The following ROCK1 variants were observed in gnomAD, a reference collection of about 807,000 sequenced individuals.
ROCK1 encodes rho-associated protein kinase 1.
In ROCK1, 36 loss-of-function variants were observed where a neutral mutation model predicts 196.8. That is an observed-to-expected ratio of 0.18 (90% CI 0.14 to 0.24). The LOEUF is 0.24. Ranked by LOEUF, ROCK1 falls within the 10% of genes least tolerant of loss-of-function variation. The pLI is 1.00. For missense variants in ROCK1, 920 were observed against 1,562.0 expected (o/e 0.59, Z 6.93); for synonymous variants, 443 against 515.9 (o/e 0.86, Z 1.91).
At position 20,951,378 on chromosome 18, in the gene ROCK1, A is replaced by AAC. The variant is rs2035185801; in HGVS notation, c.*5_*6insGT. The AAC allele has an allele frequency of 2.5e-6, 4 of 1,599,866 alleles. No individual in the cohort carries two copies. Among genetic ancestry groups the AAC allele is most frequent in the Non-Finnish European group, 3.4e-6 (4 of 1,172,624 alleles). ...ACACGATTCCACAGGGCACTCAGTC[A>AAC]CATGGTTAACTGTTGAGGGAGGGGG... is the stretch of plus-strand genomic sequence containing the variant. On this transcript the variant is annotated 3_prime_UTR_variant, in exon 33 of 33. Transcript: ENST00000399799.
intron 10 of ROCK1, among the ~76,000 whole-genome samples, chr18:21,023,909 C>T (rs927286692): frequency 6.6e-6 from 1 of 152,126 alleles, no homozygotes; most frequent in Non-Finnish European, 1.5e-5. Context: ...AAACATATGA[C>T]TTAATATTCC....
At chr18:21,067,769 C>T (rs1291826988) in intron 2 of ROCK1, among the ~76,000 whole-genome samples, 1 of 152,078 alleles carries the variant, frequency 6.6e-6, no homozygotes, top group Non-Finnish European at 1.5e-5. Flanking sequence ...TCTTTTGTTG[C>T]TTGTGCTTTT....
At chr18:21,100,750 T>C (rs1221039780) in intron 1 of ROCK1, among the ~76,000 whole-genome samples, 1 of 151,978 alleles carries the variant, frequency 6.6e-6, no homozygotes, top group African/African-American at 2.4e-5. Flanking sequence ...AGAATAAGGG[T>C]AGGGGATATA....
In ROCK1 at chr18:21,042,230, T is replaced by C. The variant is rs779402058; in HGVS notation, c.826A>G (p.Thr276Ala). Residue 276 changes from threonine (T) to alanine (A), a missense_variant, in exon 8 of 33, where the codon ACA becomes GCA. Thr to Ala is a moderately conservative substitution (Grantham distance 58, BLOSUM62 0). Around this residue, in one of 6 missense-constraint regions of ROCK1, gnomAD observed 234 missense variants for 460.7 expected, o/e 0.51. Coordinates refer to ENST00000399799, the MANE Select transcript of ROCK1 (RefSeq NM_005406.3). ...ACCAAAGAATCTGCATAAAAAGGTG[T>C]ATCACCTGAAAAATTGATAAAGAAA... is the stretch of plus-strand genomic sequence containing the variant. ...VFLYEMLVGDTPFYADSLVGT... is the reference protein window; with the variant it reads ...VFLYEMLVGDAPFYADSLVGT... 6.4e-7 allele frequency: 1 copy of C among 1,563,590 alleles called. No homozygotes were observed.
intron 17 of ROCK1, among the ~76,000 whole-genome samples, chr18:20,992,048 C>A (rs2035631404): frequency 6.6e-6 from 1 of 152,052 alleles, no homozygotes; most frequent in South Asian, 2.1e-4. Context: ...ACAAAAAAAC[C>A]CCACAAAGTA....
intron 17 of ROCK1, among the ~76,000 whole-genome samples, chr18:20,992,079 A>G (rs1168153379): frequency 6.6e-6 from 1 of 152,236 alleles, no homozygotes; most frequent in Non-Finnish European, 1.5e-5. Context: ...AGTCATTGAT[A>G]TAGAAAGGAA....
At chr18:20,981,417 A>G (rs2035532375) in intron 21 of ROCK1, among the ~76,000 whole-genome samples, 1 of 152,154 alleles carries the variant, frequency 6.6e-6, no homozygotes, top group African/African-American at 2.4e-5. Context: ...AATATCCACA[A>G]ATAAGATTTA....
chr18:21,077,415 G>C (rs2036442559), intron 1 of ROCK1, among the ~76,000 whole-genome samples: 1 of 152,064 alleles, frequency 6.6e-6, no homozygotes. Context: ...AAGGACTAAG[G>C]CAAGAACCTA....
Position 21,045,399 on chromosome 18 carries a change from A to G in ROCK1, c.483T>C (p.Leu161=), listed in dbSNP as rs202131565. ...CATCATAGTTGCTCATTAAGTTTAC[A>G]AGATCTCCACCAGGCATGTATTCCA... The part of the protein sequence containing the change: ...MVMEYMPGGD[L]VNLMSNYDVP... Residue 161 remains leucine (L), a synonymous_variant, in exon 5 of 33, where the codon CTT becomes CTC. Coordinates refer to ENST00000399799, the MANE Select transcript of ROCK1 (RefSeq NM_005406.3). 3.6e-5 allele frequency: 58 copies of G among 1,613,192 alleles called. No homozygotes were observed. Among genetic ancestry groups the G allele is most frequent in the Non-Finnish European group, 4.7e-5 (55 of 1,179,780 alleles).
At chr18:20,961,912 TACCACAGC>T (rs2035331356) in intron 27 of ROCK1, among the ~76,000 whole-genome samples, 2 of 151,208 alleles carry the variant, frequency 1.3e-5, no homozygotes, top group Admixed American at 1.3e-4. Context: ...CAGTGGCATG[TACCACAGC>T]ACCTGGCTTT....
At chr18:20,982,557 A>C (rs1394487040) in intron 21 of ROCK1, among the ~76,000 whole-genome samples, 1 of 152,146 alleles carries the variant, frequency 6.6e-6, no homozygotes, top group Admixed American at 6.6e-5. Context: ...TGGCCTGAAA[A>C]GTTTTTACAA....
chr18:20,951,395 G>C lies in ROCK1; in HGVS notation c.4062-8C>G. The C allele has an allele frequency of 1.3e-6, 2 of 1,591,612 alleles. No individual in the cohort carries two copies. The highest frequency in any genetic ancestry group is 1.7e-4 in the Middle Eastern group (1 of 5,920). On this transcript the variant is annotated splice_polypyrimidine_tract_variant and splice_region_variant and intron_variant, in intron 32 of 32. Transcript: ENST00000399799. The stretch of plus-strand genomic sequence containing the variant: ...ACTCAGTCACATGGTTAACTGTTGA[G>C]GGAGGGGGAAAAAACTAATTTAAGA...
Position 20,951,193 on chromosome 18 carries a change from C to G in ROCK1, c.*191G>C. 2.2e-6 allele frequency: 1 copy of G among 458,632 alleles called. No individual in the cohort carries two copies. The highest frequency in any genetic ancestry group is 4.0e-6 in the Non-Finnish European group (1 of 250,412). 28.4% of individuals were successfully genotyped at this position (458,632 alleles called of 1,614,324 possible). On this transcript the variant is annotated 3_prime_UTR_variant, in exon 33 of 33. Coordinates refer to ENST00000399799, the MANE Select transcript of ROCK1 (RefSeq NM_005406.3). ...CATAGTAATAATTAATCTAATCTAC[C>G]TGTAGGCAAACCCGCAATAAAAAAA...
At chr18:20,964,091 A>T (rs2035351296) in intron 27 of ROCK1, among the ~76,000 whole-genome samples, 1 of 151,944 alleles carries the variant, frequency 6.6e-6, no homozygotes, top group African/African-American at 2.4e-5. Context: ...TATAAGAGAA[A>T]TAATAAAAGT....
chr18:21,008,063 A>G lies in ROCK1; in HGVS notation c.1542T>C (p.Asn514=). ...QENEKRRNVE[N]EVSTLKDQLE... ...TCAAAAGTAGTGACAATTTACCTTC[A>G]TTTTCTACATTTCTTCTCTTCTCAT... is the stretch of plus-strand genomic sequence containing the variant. Residue 514 remains asparagine, a synonymous_variant, in exon 14 of 33, where the codon AAT becomes AAC. Coordinates refer to ENST00000399799, the MANE Select transcript of ROCK1 (RefSeq NM_005406.3). 3 of 1,589,222 alleles carry G rather than the reference A, an allele frequency of 1.9e-6. No individual in the cohort carries two copies. Among genetic ancestry groups the G allele is most frequent in the South Asian group, 2.3e-5 (2 of 86,812 alleles).
chr18:21,086,636 TC>T (rs1209012145), intron 1 of ROCK1, among the ~76,000 whole-genome samples: 1 of 151,506 alleles, frequency 6.6e-6, no homozygotes, highest in Non-Finnish European at 1.5e-5. Context: ...GGCTAAAAAT[TC>T]CCCAAATTTG....
In ROCK1 at chr18:21,078,986, A is replaced by T. The variant is rs377377977; in HGVS notation, c.94-8373T>A. Reference sequence around the variant, plus strand: ...CTTCAGGATGAGCTGTCCCTCAACTAAATTGGGGTATAGAGAAGTGTGCTT... The same window carrying T: ...CTTCAGGATGAGCTGTCCCTCAACTTAATTGGGGTATAGAGAAGTGTGCTT... On this transcript the variant is annotated intron_variant, in intron 1 of 32. Transcript: ENST00000399799. 1.5e-3 allele frequency among the ~76,000 whole-genome samples: 233 copies of T among 152,176 alleles called. 3 individuals carry two copies. Among genetic ancestry groups the T allele is most frequent in the African/African-American group, 5.4e-3 (226 of 41,496 alleles).
chr18:21,075,675 T>G (rs1455465883), intron 1 of ROCK1, among the ~76,000 whole-genome samples: 1 of 151,762 alleles, frequency 6.6e-6, no homozygotes, highest in African/African-American at 2.4e-5. Context: ...CAGAGCAGGC[T>G]GGGCATGGTG....
chr18:20,970,203 C>G (rs575644530), intron 23 of ROCK1, 145 bp downstream of exon 23: 2 of 547,952 alleles, frequency 3.6e-6, no homozygotes, highest in Admixed American at 3.3e-5. Context: ...ATTATACAAA[C>G]TATTTTATAC....
Sources: allele counts gnomAD v4.1 joint callset (sites outside exome capture counted in the v4.1 genomes callset), GRCh38; gene constraint gnomAD v4.1.1; regional missense constraint gnomAD v4.1.1; transcripts MANE v1.5; gene names NCBI Gene and HGNC (gene_info 2026-07-23, HGNC 2026-07-21).